ALX4: variants seen among roughly 807,000 people sequenced by gnomAD.
The protein encoded by ALX4 is ALX homeobox 4.
A neutral mutation model predicts 40.6 loss-of-function variants in ALX4; 22 were observed. That is an observed-to-expected ratio of 0.54 (90% CI 0.39 to 0.77). The LOEUF (loss-of-function observed/expected upper bound fraction) is 0.77. ALX4 is among the 30% of genes least tolerant of loss of function. The pLI, the probability that ALX4 is intolerant of heterozygous loss-of-function variation, is 0.00. For missense variants in ALX4, 556 were observed against 564.8 expected (o/e 0.98, Z 0.16); for synonymous variants, 266 against 240.5 (o/e 1.11, Z -0.98).
In ALX4 at chr11:44,294,288, C is replaced by T. The variant is rs1048098073; in HGVS notation, c.466+15309G>A. On this transcript the variant is annotated intron_variant, in intron 1 of 3. Transcript: ENST00000652299. ...GGTGCTTTCTTAATTGCAGATGGGGCCCAGGAAGCTGGGGCCCAGGAAGGG... is the reference window on the plus strand; with the variant it reads ...GGTGCTTTCTTAATTGCAGATGGGGTCCAGGAAGCTGGGGCCCAGGAAGGG... Among the ~76,000 whole-genome samples, 5 of 152,150 alleles carry T rather than the reference C, an allele frequency of 3.3e-5. No homozygotes were observed. In the East Asian group the frequency reaches 7.7e-4, roughly 23 times the overall value.
At chr11:44,289,628 A>G (rs1281627700) in intron 1 of ALX4, among the ~76,000 whole-genome samples, 1 of 152,178 alleles carries the variant, frequency 6.6e-6, no homozygotes, top group Non-Finnish European at 1.5e-5. Context: ...CTAAGGGGGC[A>G]TTGCTGAGCC....
Position 44,309,751 on chromosome 11 carries a change from C to T in ALX4, c.312G>A (p.Gln104=), listed in dbSNP as rs1320977525. The change falls in exon 1 of 4, where the codon CAG becomes CAA. Residue 104 remains glutamine (Q), a synonymous_variant. Coordinates refer to ENST00000652299, the MANE Select transcript of ALX4 (RefSeq NM_021926.4). ...GCGGCTGCTGCTGCTGCGGCTGCGG[C>T]TGCGGCGGCGGCTGGGGCTGCGGGG... ...PSTPQPQPPP[Q]PQPQQQQPQP... 2 of 1,548,658 alleles carry T rather than the reference C, an allele frequency of 1.3e-6. No homozygotes were observed. Among genetic ancestry groups the T allele is most frequent in the Non-Finnish European group, 8.7e-7 (1 of 1,146,754 alleles).
At chr11:44,300,223 G>T (rs768565018) in intron 1 of ALX4, among the ~76,000 whole-genome samples, 9 of 152,144 alleles carry the variant, frequency 5.9e-5, no homozygotes, top group Non-Finnish European at 4.4e-5. Context: ...ACCCCTCTTG[G>T]TGAATATCAC....
intron 1 of ALX4, among the ~76,000 whole-genome samples, chr11:44,300,734 G>A (rs961363686): frequency 4.6e-5 from 7 of 152,188 alleles, no homozygotes; most frequent in Non-Finnish European, 8.8e-5. Context: ...GAGAAGTAAG[G>A]GGGCTGTTAT....
In ALX4 at chr11:44,267,634, GA is replaced by G; in HGVS notation, c.778-13del. On this transcript the variant is annotated splice_polypyrimidine_tract_variant and intron_variant, in intron 2 of 3. Transcript: ENST00000652299. Reference sequence around the variant, plus strand: ...TTCTGGAACCAGACCTACAAGACGCGAAAAAGCCATTGTCACCAGGGTGAGA... The same window carrying G: ...TTCTGGAACCAGACCTACAAGACGCGAAAAGCCATTGTCACCAGGGTGAGA... 6.2e-7 allele frequency: 1 copy of G among 1,613,976 alleles called. No homozygotes were observed.
In ALX4 at chr11:44,275,491, C is replaced by T; in HGVS notation, c.634G>A (p.Gly212Ser). 6.2e-7 allele frequency: 1 copy of T among 1,614,038 alleles called. No homozygotes were observed. The highest frequency in any genetic ancestry group is 1.1e-5 in the South Asian group (1 of 91,084). ...LEKADSESNK[G>S]KKRRNRTTFT... ...GTGGTCCGGTTCCGCCGCTTCTTGC[C>T]CTTGTTGCTCTCTGAGTCGGCCTTC... Residue 212 changes from glycine to serine, a missense_variant, in exon 2 of 4, where the codon GGC becomes AGC. By Grantham distance (56) the Gly-to-Ser change is moderately conservative (BLOSUM62 0). Transcript: ENST00000652299.
rs779886316 is a variant in ALX4 at position 44,267,643 on chromosome 11, A to G, written c.778-21T>C. The G allele has an allele frequency of 6.2e-6, 10 of 1,613,822 alleles. No homozygotes were observed. In the Admixed American group the frequency reaches 1.0e-4, roughly 16 times the overall value. ...CAGACCTACAAGACGCGAAAAAGCC[A>G]TTGTCACCAGGGTGAGATGCCCGCC... On this transcript the variant is annotated intron_variant, in intron 2 of 3. Coordinates refer to ENST00000652299, the MANE Select transcript of ALX4 (RefSeq NM_021926.4).
At chr11:44,291,561 G>A (rs904912979) in intron 1 of ALX4, among the ~76,000 whole-genome samples, 2 of 151,836 alleles carry the variant, frequency 1.3e-5, no homozygotes, top group African/African-American at 4.8e-5. Flanking sequence ...GGCACATGCC[G>A]CCACACCTGG....
chr11:44,278,284 G>A (rs1381099612), intron 1 of ALX4, among the ~76,000 whole-genome samples: 1 of 152,184 alleles, frequency 6.6e-6, no homozygotes, highest in Non-Finnish European at 1.5e-5. Flanking sequence ...AGGCCAGAGA[G>A]AGAAGGGAAC....
At chr11:44,299,509 C>T (rs900129274) in intron 1 of ALX4, among the ~76,000 whole-genome samples, 6 of 151,906 alleles carry the variant, frequency 3.9e-5, no homozygotes, top group Non-Finnish European at 5.9e-5. Context: ...TACAGGCGCC[C>T]GCCACCACGC....
At position 44,263,227 on chromosome 11, in the gene ALX4, A is replaced by C. The variant is rs1271697400; in HGVS notation, c.*1627T>G. On this transcript the variant is annotated 3_prime_UTR_variant, in exon 4 of 4. Transcript: ENST00000652299. The stretch of plus-strand genomic sequence containing the variant: ...GGCCTGGCCCTACTCCATGACAGGA[A>C]TCAAGGGAGAAGGTAGAAAAGGCGA... 1 of 152,262 alleles carries C rather than the reference A, an allele frequency of 6.6e-6. No homozygotes were observed. The highest frequency in any genetic ancestry group is 2.4e-5 in the African/African-American group (1 of 41,450). The allele number at this position is 152,262 out of a possible 1,614,324, so 9.4% of individuals were successfully genotyped here.
At chr11:44,308,200 G>A (rs758629580) in intron 1 of ALX4, among the ~76,000 whole-genome samples, 9 of 152,084 alleles carry the variant, frequency 5.9e-5, no homozygotes, top group East Asian at 5.8e-4. Context: ...TGCTCTCTGC[G>A]TGTGTGTGTG....
intron 1 of ALX4, among the ~76,000 whole-genome samples, chr11:44,290,290 C>A (rs565316997): frequency 6.6e-6 from 1 of 152,228 alleles, no homozygotes; most frequent in Non-Finnish European, 1.5e-5. Context: ...AGATCCTGCA[C>A]GAGGCAAAAT....
intron 1 of ALX4, among the ~76,000 whole-genome samples, chr11:44,303,478 G>A (rs1956447165): frequency 6.6e-6 from 1 of 152,194 alleles, no homozygotes; most frequent in East Asian, 1.9e-4. Flanking sequence ...CCTGGGAGCC[G>A]CGGAGCGCCA....
rs559427156 is a variant in ALX4, at chr11:44,310,056, C to G, written c.7G>C (p.Ala3Pro). MN[A>P]ETCVSYCESP... ...TCGCAGTAAGAGACGCAAGTCTCAG[C>G]ATTCATGCCTGGCTTGCGCAGGCGG... The change falls in exon 1 of 4, where the codon GCT becomes CCT. Residue 3 changes from alanine to proline, a missense_variant. Ala to Pro is a conservative substitution (Grantham distance 27, BLOSUM62 -1). Transcript: ENST00000652299. 3.1e-6 allele frequency: 5 copies of G among 1,592,394 alleles called. No homozygotes were observed. The South Asian group carries it at 4.5e-5, about 14-fold the overall frequency.
rs1956186806 is a variant in ALX4 at position 44,262,259 on chromosome 11, T to C, written c.*2595A>G. Reference sequence around the variant, plus strand: ...GGACTAACTAGAGGGTTTCTAAGCTTCCTCCCAACTCGGTGGTCCTATCAT... The same window carrying C: ...GGACTAACTAGAGGGTTTCTAAGCTCCCTCCCAACTCGGTGGTCCTATCAT... On this transcript the variant is annotated 3_prime_UTR_variant, in exon 4 of 4. Transcript: ENST00000652299. 6.6e-6 allele frequency: 1 copy of C among 152,002 alleles called. No homozygotes were observed. The highest frequency in any genetic ancestry group is 2.1e-4 in the South Asian group (1 of 4,802). 9.4% of individuals were successfully genotyped at this position (152,002 alleles called of 1,614,324 possible). A position where few individuals can be genotyped will look rare whatever the true frequency, so the allele number is the denominator to read the frequency against.
Position 44,261,830 on chromosome 11 carries a change from A to G in ALX4, c.*3024T>C, listed in dbSNP as rs1052157681. The G allele has an allele frequency of 1.3e-5, 2 of 152,298 alleles. No homozygotes were observed. Among genetic ancestry groups the G allele is most frequent in the African/African-American group, 4.8e-5 (2 of 41,482 alleles). 9.4% of individuals were successfully genotyped at this position (152,298 alleles called of 1,614,324 possible). On this transcript the variant is annotated 3_prime_UTR_variant, in exon 4 of 4. Transcript: ENST00000652299. ...CCTCTCTTAGCTTATTCGCATAGCA[A>G]TGAACCACGTGGCAGGTAGATGCTT...
intron 3 of ALX4, among the ~76,000 whole-genome samples, chr11:44,265,816 C>A (rs771722705): frequency 1.3e-5 from 2 of 152,162 alleles, no homozygotes; most frequent in African/African-American, 4.8e-5. Flanking sequence ...GAGACCGGAC[C>A]TCCTCGTGCC....
chr11:44,291,298 A>C (rs1182641447), intron 1 of ALX4, among the ~76,000 whole-genome samples: 1 of 152,210 alleles, frequency 6.6e-6, no homozygotes, highest in Non-Finnish European at 1.5e-5. Flanking sequence ...CACCAAGGGC[A>C]GGGGAGGGGT....
Sources: allele counts gnomAD v4.1 joint callset (sites outside exome capture counted in the v4.1 genomes callset), GRCh38; gene constraint gnomAD v4.1.1; transcripts MANE v1.5; gene names NCBI Gene and HGNC (gene_info 2026-07-23, HGNC 2026-07-21).